The following CACNB4 variants were observed in gnomAD, a reference collection of about 807,000 sequenced individuals.
CACNB4 encodes the protein calcium voltage-gated channel auxiliary subunit beta 4, also known as voltage-dependent L-type calcium channel subunit beta-4.
CACNB4 carries 32 observed loss-of-function variants against 71.2 expected under a neutral mutation model. That is an observed-to-expected ratio of 0.45 (90% CI 0.34 to 0.60). The LOEUF (loss-of-function observed/expected upper bound fraction) is 0.60. CACNB4 is among the 20% of genes least tolerant of loss of function. CACNB4 has a pLI of 0.01. For missense variants in CACNB4, 464 were observed against 647.9 expected (o/e 0.72, Z 3.08); for synonymous variants, 231 against 236.9 (o/e 0.97, Z 0.23).
intron 2 of CACNB4, among the ~76,000 whole-genome samples, chr2:151,901,016 T>A (rs2099853286): frequency 6.9e-6 from 1 of 145,396 alleles, no homozygotes; most frequent in Non-Finnish European, 1.5e-5. Flanking sequence ...TTTTTTGAGA[T>A]ACGGTCTCAT....
rs150720371 is a variant in CACNB4 at position 151,836,276 on chromosome 2, A to C, written c.*2843T>G. The stretch of plus-strand genomic sequence containing the variant: ...AGTTAAAACAGCCTCAAAACAGTAA[A>C]AGACTTGTTTCTCTTGCTTATAATC... On this transcript the variant is annotated 3_prime_UTR_variant, in exon 14 of 14. Transcript: ENST00000539935. 1.3e-5 allele frequency: 2 copies of C among 151,986 alleles called. No homozygotes were observed. Among genetic ancestry groups the C allele is most frequent in the Non-Finnish European group, 3.0e-5 (2 of 67,756 alleles). The allele number at this position is 151,986 out of a possible 1,614,324, so 9.4% of individuals were successfully genotyped here. A position where few individuals can be genotyped will look rare whatever the true frequency, so the allele number is the denominator to read the frequency against.
chr2:152,030,498 T>G (rs1684226065), intron 2 of CACNB4, among the ~76,000 whole-genome samples: 1 of 152,244 alleles, frequency 6.6e-6, no homozygotes, highest in South Asian at 2.1e-4. Flanking sequence ...CTAGGGTACA[T>G]GTGCACAACG....
chr2:152,046,254 T>C (rs1685136828), intron 2 of CACNB4, among the ~76,000 whole-genome samples: 1 of 152,188 alleles, frequency 6.6e-6, no homozygotes, highest in Admixed American at 6.5e-5. Context: ...CCCTTTTCTA[T>C]ATGTGAGCAC....
chr2:152,003,832 T>C (rs1325569915), intron 2 of CACNB4, among the ~76,000 whole-genome samples: 2 of 144,450 alleles, frequency 1.4e-5, no homozygotes, highest in Non-Finnish European at 3.1e-5. Flanking sequence ...GAGAAATTAA[T>C]AAAAAAAAAA....
chr2:151,956,967 G>A (rs1301019116), intron 2 of CACNB4, among the ~76,000 whole-genome samples: 7 of 152,244 alleles, frequency 4.6e-5, no homozygotes, highest in East Asian at 1.9e-4. Flanking sequence ...CCAACAAGGC[G>A]AAACCCAGTC....
chr2:151,973,762 CT>C, intron 2 of CACNB4: 1 of 1,598,982 alleles, frequency 6.3e-7, no homozygotes, highest in Non-Finnish European at 8.5e-7. Flanking sequence ...AACAAAATTG[CT>C]GCAGAAACCA....
chr2:151,871,044 TG>T, intron 6 of CACNB4, 183 bp from the exon 7 acceptor site: 1 of 606,104 alleles, frequency 1.6e-6, no homozygotes, highest in Non-Finnish European at 3.0e-6. Flanking sequence ...TGAAGATGTA[TG>T]AAAAACAGAC....
chr2:151,877,015 ATATG>A (rs1185895405), intron 4 of CACNB4, among the ~76,000 whole-genome samples: 1 of 147,658 alleles, frequency 6.8e-6, no homozygotes, highest in Non-Finnish European at 1.5e-5. Context: ...AGTATATTGT[ATATG>A]TATGTGTGCA....
intron 2 of CACNB4, chr2:151,971,092 G>A (rs2099872426): frequency 5.6e-6 from 1 of 177,694 alleles, no homozygotes; most frequent in South Asian, 1.4e-4. Context: ...AAACACGGAG[G>A]TTACAAACTA....
At chr2:152,005,736 A>G (rs1682686670) in intron 2 of CACNB4, among the ~76,000 whole-genome samples, 1 of 152,242 alleles carries the variant, frequency 6.6e-6, no homozygotes, top group African/African-American at 2.4e-5. Context: ...AACAGCTTTC[A>G]GGAAACTCAG....
intron 2 of CACNB4, among the ~76,000 whole-genome samples, chr2:151,941,369 C>T (rs1444763359): frequency 2.7e-5 from 4 of 150,664 alleles, no homozygotes; most frequent in Admixed American, 6.6e-5. Flanking sequence ...GCAACTTCAG[C>T]CTCCTGGGTT....
At chr2:151,915,850 A>C (rs2099857358) in intron 2 of CACNB4, among the ~76,000 whole-genome samples, 1 of 10,054 alleles carries the variant, frequency 9.9e-5, no homozygotes. Context: ...TCCATCTCAA[A>C]AAAAAAAAAA....
chr2:151,875,932 A>G (rs112414096), intron 5 of CACNB4, among the ~76,000 whole-genome samples: 932 of 8,874 alleles, frequency 0.11, 8 homozygotes, highest in Middle Eastern at 0.17. Flanking sequence ...GGGCAGAGGC[A>G]CCCCTCACCT....
intron 2 of CACNB4, among the ~76,000 whole-genome samples, chr2:151,938,111 G>C (rs1578876602): frequency 6.6e-6 from 1 of 152,198 alleles, no homozygotes; most frequent in Non-Finnish European, 1.5e-5. Context: ...CAGCTATCAT[G>C]TCCCCTGAGT....
intron 2 of CACNB4, among the ~76,000 whole-genome samples, chr2:151,977,223 C>T (rs1560104548): frequency 6.6e-6 from 1 of 152,156 alleles, no homozygotes; most frequent in Non-Finnish European, 1.5e-5. Context: ...TGACTCAACT[C>T]TTTTCCAGTT....
At chr2:151,888,942 C>G (rs1461195392) in intron 2 of CACNB4, among the ~76,000 whole-genome samples, 3 of 152,172 alleles carry the variant, frequency 2.0e-5, no homozygotes, top group Non-Finnish European at 4.4e-5. Flanking sequence ...CAGCCACAAG[C>G]CACATGTGGT....
intron 2 of CACNB4, among the ~76,000 whole-genome samples, chr2:152,046,086 C>T (rs1560158960): frequency 6.6e-6 from 1 of 152,028 alleles, no homozygotes; most frequent in East Asian, 1.9e-4. Context: ...ATAAAATCAA[C>T]ATTAGTTAGC....
chr2:151,851,531 T>C (rs2151346463), intron 12 of CACNB4: 1 of 152,370 alleles, frequency 6.6e-6, no homozygotes, highest in African/African-American at 2.4e-5. Context: ...AGTATATTAG[T>C]TGCTTTTACA....
chr2:152,078,152 G>A (rs1197809906), intron 2 of CACNB4, among the ~76,000 whole-genome samples: 1 of 152,172 alleles, frequency 6.6e-6, no homozygotes, highest in African/African-American at 2.4e-5. Context: ...TCAATCCAAA[G>A]TCCTTCTGCG....
Sources: gnomAD v4.1 joint callset for allele counts (sites outside exome capture counted in the v4.1 genomes callset) on GRCh38, gnomAD v4.1.1 for gene constraint, MANE v1.5 for transcripts, NCBI Gene and HGNC (gene_info 2026-07-23, HGNC 2026-07-21) for gene names.